The following PDCD2L variants were observed in gnomAD, a reference collection of about 807,000 sequenced individuals.
PDCD2L encodes the protein uS5 assembly chaperone PDCD2L.
A neutral mutation model predicts 40.4 loss-of-function variants in PDCD2L; 44 were observed. That is an observed-to-expected ratio of 1.09 (90% CI 0.86 to 1.40). The LOEUF (loss-of-function observed/expected upper bound fraction) is 1.40. Ranked by LOEUF, PDCD2L falls within the 40% of genes most tolerant of loss-of-function variation. The probability of loss-of-function intolerance (pLI) is 0.00; values close to 1 mark genes in which losing one functional copy is unlikely to be tolerated. For synonymous variants in PDCD2L, 194 were observed against 174.6 expected (o/e 1.11, Z -0.88); for missense variants, 470 against 453.7 (o/e 1.04, Z -0.33).
intron 6 of PDCD2L, 82 bp downstream of exon 6, chr19:34,421,749 A>T (rs986150288): frequency 4.1e-6 from 6 of 1,469,334 alleles, no homozygotes; most frequent in Non-Finnish European, 5.5e-6. Flanking sequence ...TTTACTTATA[A>T]AATATCATAA....
At chr19:34,417,619 GA>G (rs2075131935) in intron 5 of PDCD2L, among the ~76,000 whole-genome samples, 1 of 123,876 alleles carries the variant, frequency 8.1e-6, no homozygotes, top group East Asian at 2.0e-4. Flanking sequence ...AAAAAAAAAA[GA>G]AAAAAAAAGT....
In PDCD2L at chr19:34,404,551, G is replaced by A. The variant is rs753996514; in HGVS notation, c.108+13G>A. On this transcript the variant is annotated intron_variant, in intron 1 of 6. Coordinates refer to ENST00000246535, the MANE Select transcript of PDCD2L (RefSeq NM_032346.2). ...GGGCGGCATTCCGGTGAGGGCGGGT[G>A]CCGGAGCTGGGGTCGATGGGTGCTG... 6.4e-6 allele frequency: 10 copies of A among 1,552,916 alleles called. No individual in the cohort carries two copies. In the Admixed American group the frequency reaches 9.5e-5, roughly 15 times the overall value.
intron 3 of PDCD2L, among the ~76,000 whole-genome samples, chr19:34,406,826 C>CTTTTTTTT (rs35175132): frequency 6.8e-5 from 7 of 102,240 alleles, no homozygotes; most frequent in Non-Finnish European, 1.3e-4. Flanking sequence ...TTCTTTCTTC[C>CTTTTTTTT]TTTTTTTTTT....
intron 4 of PDCD2L, among the ~76,000 whole-genome samples, chr19:34,410,575 A>G (rs1466225238): frequency 6.6e-6 from 1 of 151,916 alleles, no homozygotes; most frequent in Non-Finnish European, 1.5e-5. Flanking sequence ...TAGCCACTGC[A>G]CCCAGCATTT....
chr19:34,415,015 C>T (rs1223228607), intron 5 of PDCD2L, among the ~76,000 whole-genome samples: 1 of 152,136 alleles, frequency 6.6e-6, no homozygotes, highest in Non-Finnish European at 1.5e-5. Flanking sequence ...CCAGTCTGCT[C>T]TCAAACTCCT....
intron 4 of PDCD2L, among the ~76,000 whole-genome samples, chr19:34,411,620 C>G (rs998225296): frequency 5.9e-5 from 9 of 152,050 alleles, no homozygotes; most frequent in African/African-American, 1.9e-4. Context: ...ATAGCTGGGA[C>G]TACAGGTGTG....
At chr19:34,409,084 G>A (rs775296614) in intron 3 of PDCD2L, 77 bp from the exon 4 acceptor site, 81 of 1,358,532 alleles carry the variant, frequency 6.0e-5, no homozygotes, top group Non-Finnish European at 7.3e-5. Flanking sequence ...AAGGCGCGGC[G>A]GTGGGTGGCT....
At chr19:34,416,608 TAGAG>T (rs1456856344) in intron 5 of PDCD2L, among the ~76,000 whole-genome samples, 25 of 152,100 alleles carry the variant, frequency 1.6e-4, no homozygotes, top group Admixed American at 1.6e-3. Flanking sequence ...ACAGTACTCT[TAGAG>T]AGAGGAAAAC....
chr19:34,423,330 CCACCA>C (rs2075161424), intron 6 of PDCD2L, among the ~76,000 whole-genome samples: 1 of 150,708 alleles, frequency 6.6e-6, no homozygotes, highest in African/African-American at 2.4e-5. Context: ...TTACAGGTGC[CCACCA>C]CCACACCCAG....
Position 34,409,359 on chromosome 19 carries a change from C to CCTCCTGGGCT in PDCD2L, c.536_545dup (p.Pro183SerfsTer16). ...TGTCCTGGGTGCTGCCCATCCTGTG[C>CCTCCTGGGCT]CTCCTGGGCTGCCGCTCTTCCTGCC... On this transcript the variant is annotated frameshift_variant, in exon 4 of 7. Coordinates refer to ENST00000246535, the MANE Select transcript of PDCD2L (RefSeq NM_032346.2). LOFTEE classifies it high-confidence loss of function. 3.7e-6 allele frequency: 6 copies of CCTCCTGGGCT among 1,613,894 alleles called. No homozygotes were observed. Among genetic ancestry groups the CCTCCTGGGCT allele is most frequent in the Non-Finnish European group, 5.1e-6 (6 of 1,179,954 alleles).
intron 4 of PDCD2L, among the ~76,000 whole-genome samples, chr19:34,410,820 C>T (rs1000573407): frequency 6.9e-6 from 1 of 144,220 alleles, no homozygotes; most frequent in East Asian, 2.0e-4. Flanking sequence ...GATATGGGCT[C>T]TCTTGCCAGG....
At chr19:34,422,791 C>T (rs2075158333) in intron 6 of PDCD2L, among the ~76,000 whole-genome samples, 1 of 151,874 alleles carries the variant, frequency 6.6e-6, no homozygotes, top group African/African-American at 2.4e-5. Flanking sequence ...TCTCAGCTCA[C>T]TGCAAGCTCC....
At chr19:34,419,060 A>C (rs2075137491) in intron 5 of PDCD2L, among the ~76,000 whole-genome samples, 1 of 152,210 alleles carries the variant, frequency 6.6e-6, no homozygotes. Context: ...GATGGCTTTA[A>C]ATTTTGATCA....
At chr19:34,411,816 G>A (rs1261324546) in intron 4 of PDCD2L, among the ~76,000 whole-genome samples, 3 of 151,226 alleles carry the variant, frequency 2.0e-5, no homozygotes, top group South Asian at 4.2e-4. Context: ...CACCACACCC[G>A]GTTAATTTTT....
chr19:34,422,338 G>A (rs1390768875), intron 6 of PDCD2L: 1 of 151,398 alleles, frequency 6.6e-6, no homozygotes, highest in East Asian at 2.0e-4. Flanking sequence ...AGTAGTGATA[G>A]GGTTTCACTG....
intron 5 of PDCD2L, among the ~76,000 whole-genome samples, chr19:34,417,852 T>G (rs1031998445): frequency 1.3e-5 from 2 of 152,362 alleles, no homozygotes; most frequent in South Asian, 4.1e-4. Context: ...GAATTTTTCC[T>G]TAATGAAATA....
chr19:34,418,230 G>A (rs1039682864), intron 5 of PDCD2L, among the ~76,000 whole-genome samples: 8 of 152,210 alleles, frequency 5.3e-5, no homozygotes, highest in Admixed American at 5.2e-4. Flanking sequence ...AGTCAAGACA[G>A]TAAACATATT....
Position 34,426,078 on chromosome 19 carries a change from T to G in PDCD2L, c.1035T>G (p.Phe345Leu), listed in dbSNP as rs1433651964. 1 of 1,600,132 alleles carries G rather than the reference T, an allele frequency of 6.2e-7. No individual in the cohort carries two copies. The highest frequency in any genetic ancestry group is 1.3e-5 in the African/African-American group (1 of 74,746). Reference protein sequence around the residue: ...PPNHQTPMEEFCIIQEDPDEL... With the variant: ...PPNHQTPMEELCIIQEDPDEL... ...ATCATCAGACTCCCATGGAAGAATTTTGTATTATACAAGAAGACCCAGATG... is the reference window on the plus strand; with the variant it reads ...ATCATCAGACTCCCATGGAAGAATTGTGTATTATACAAGAAGACCCAGATG... The change falls in exon 7 of 7, where the codon TTT becomes TTG. Residue 345 changes from phenylalanine to leucine, a missense_variant. Transcript: ENST00000246535.
chr19:34,414,438 A>G (rs568719337), intron 5 of PDCD2L, among the ~76,000 whole-genome samples: 4 of 145,032 alleles, frequency 2.8e-5, no homozygotes, highest in Non-Finnish European at 6.0e-5. Context: ...CAGCCTCCCA[A>G]AGTTCTGAGA....
Sources: gnomAD v4.1 joint callset for allele counts (sites outside exome capture counted in the v4.1 genomes callset) on GRCh38, gnomAD v4.1.1 for gene constraint, MANE v1.5 for transcripts, NCBI Gene and HGNC (gene_info 2026-07-23, HGNC 2026-07-21) for gene names.